NEMP2: variants seen among roughly 807,000 people sequenced by gnomAD.
NEMP2 encodes nuclear envelope integral membrane protein 2.
A neutral mutation model predicts 54.2 loss-of-function variants in NEMP2; 53 were observed. The observed-to-expected ratio is 0.98, with a 90% CI of 0.78 to 1.23. The LOEUF (loss-of-function observed/expected upper bound fraction) is 1.23. NEMP2 is among the 50% of genes most tolerant of loss of function. The pLI, the probability that NEMP2 is intolerant of heterozygous loss-of-function variation, is 0.00. For synonymous variants in NEMP2, 197 were observed against 190.3 expected (o/e 1.04, Z -0.29); for missense variants, 455 against 511.3 (o/e 0.89, Z 1.06).
the NEMP2 span, among the ~76,000 whole-genome samples, chr2:190,592,190 A>G: frequency 6.6e-6 from 1 of 152,194 alleles, no homozygotes; most frequent in Non-Finnish European, 1.5e-5. The surrounding 1 kb of genome is among the most constrained non-coding windows in gnomAD (Gnocchi z 4.4). Flanking sequence ...TCTGCCATTA[A>G]CAATGACCTG....
chr2:190,572,460 T>C, the NEMP2 span, among the ~76,000 whole-genome samples: 1 of 152,056 alleles, frequency 6.6e-6, no homozygotes, highest in African/African-American at 2.4e-5. Context: ...AAGAAATTAG[T>C]CATGTGGCAA....
the NEMP2 span, among the ~76,000 whole-genome samples, chr2:190,493,772 T>C: frequency 6.6e-6 from 1 of 152,172 alleles, no homozygotes; most frequent in East Asian, 1.9e-4. Flanking sequence ...GAATTATCAT[T>C]GGGTCAACAG....
the NEMP2 span, among the ~76,000 whole-genome samples, chr2:190,570,664 A>G: frequency 1.3e-5 from 2 of 152,228 alleles, no homozygotes; most frequent in Admixed American, 1.3e-4. This position sits in a 1 kb window ranked among gnomAD's most constrained non-coding sequence, Gnocchi z 5.4. Flanking sequence ...CCCAGAAATC[A>G]CCATTCTATT....
Position 190,510,018 on chromosome 2 carries a change from G to A in NEMP2, c.1130+343C>T, listed in dbSNP as rs1690301381. 6.6e-6 allele frequency among the ~76,000 whole-genome samples: 1 copy of A among 152,222 alleles called. No individual in the cohort carries two copies. The highest frequency in any genetic ancestry group is 2.4e-5 in the African/African-American group (1 of 41,458). ...ATTGCACCATTGCACTCCAGCCTGGGTGACAGAGCAAGACTCCATCTAAAA... is the reference window on the plus strand; with the variant it reads ...ATTGCACCATTGCACTCCAGCCTGGATGACAGAGCAAGACTCCATCTAAAA... On this transcript the variant is annotated intron_variant, in intron 8 of 8. Transcript: ENST00000409150. This position sits in a 1 kb window ranked among gnomAD's most constrained non-coding sequence, Gnocchi z 5.7.
chr2:190,463,492 AT>A, the NEMP2 span, among the ~76,000 whole-genome samples: 8 of 152,198 alleles, frequency 5.3e-5, no homozygotes, highest in East Asian at 1.9e-4. This position sits in a 1 kb window ranked among gnomAD's most constrained non-coding sequence, Gnocchi z 4.4. Flanking sequence ...TGAAAAAAAA[AT>A]TTTTTTTAGG....
the NEMP2 span, among the ~76,000 whole-genome samples, chr2:190,551,214 A>T: frequency 1.3e-5 from 2 of 151,156 alleles, no homozygotes; most frequent in Admixed American, 6.6e-5. Flanking sequence ...TTTAGGGAAA[A>T]TTTTCTCCAA....
At chr2:190,555,294 G>A in the NEMP2 span, among the ~76,000 whole-genome samples, 3 of 152,078 alleles carry the variant, frequency 2.0e-5, no homozygotes, top group Non-Finnish European at 4.4e-5. The surrounding 1 kb of genome is among the most constrained non-coding windows in gnomAD (Gnocchi z 4.8). Context: ...TTGCCAGCAA[G>A]AGAACAAAAC....
At chr2:190,585,880 G>A in the NEMP2 span, among the ~76,000 whole-genome samples, 2 of 152,102 alleles carry the variant, frequency 1.3e-5, no homozygotes, top group Non-Finnish European at 2.9e-5. This position sits in a 1 kb window ranked among gnomAD's most constrained non-coding sequence, Gnocchi z 5.3. Context: ...AGGGGCCAGA[G>A]GAACCAGTCA....
the NEMP2 span, among the ~76,000 whole-genome samples, chr2:190,544,753 T>C: frequency 6.6e-6 from 1 of 151,950 alleles, no homozygotes; most frequent in South Asian, 2.1e-4. Context: ...ACATTTAAGG[T>C]AACTAAGATA....
the NEMP2 span, chr2:190,442,987 C>T: frequency 6.6e-6 from 1 of 152,148 alleles, no homozygotes; most frequent in Non-Finnish European, 1.5e-5. Flanking sequence ...AAATGTTGGT[C>T]TGTGCTTTAT....
the NEMP2 span, among the ~76,000 whole-genome samples, chr2:190,555,172 A>G: frequency 2.0e-5 from 3 of 152,174 alleles, no homozygotes; most frequent in Non-Finnish European, 4.4e-5. The surrounding 1 kb of genome is among the most constrained non-coding windows in gnomAD (Gnocchi z 4.8). Flanking sequence ...AAGGTCCCCA[A>G]ATTCAAAGAC....
chr2:190,439,361 G>T, the NEMP2 span, among the ~76,000 whole-genome samples: 1 of 151,730 alleles, frequency 6.6e-6, no homozygotes, highest in Non-Finnish European at 1.5e-5. The surrounding 1 kb of genome is among the most constrained non-coding windows in gnomAD (Gnocchi z 5.8). Flanking sequence ...TTTTTTTCAC[G>T]TTTTATTTGT....
chr2:190,559,770 G>T, the NEMP2 span, among the ~76,000 whole-genome samples: 1 of 152,206 alleles, frequency 6.6e-6, no homozygotes, highest in African/African-American at 2.4e-5. This position sits in a 1 kb window ranked among gnomAD's most constrained non-coding sequence, Gnocchi z 4.0. Flanking sequence ...TATGTCCTGG[G>T]AGGTGAGTGG....
chr2:190,556,021 C>CA, the NEMP2 span, among the ~76,000 whole-genome samples: 2 of 152,024 alleles, frequency 1.3e-5, no homozygotes, highest in African/African-American at 4.8e-5. Context: ...AGAGACACAA[C>CA]AAAAAAAGAA....
chr2:190,526,171 T>C (rs1690928798), intron 1 of NEMP2, among the ~76,000 whole-genome samples: 5 of 152,052 alleles, frequency 3.3e-5, no homozygotes, highest in South Asian at 2.1e-4. Flanking sequence ...ACTGGAGTCA[T>C]TGGAACTGGG....
the NEMP2 span, chr2:190,435,923 G>A: frequency 7.2e-7 from 1 of 1,390,604 alleles, no homozygotes; most frequent in African/African-American, 1.4e-5. Flanking sequence ...GAAGTTCTGT[G>A]TTTACATGTT....
the NEMP2 span, chr2:190,553,205 T>G: frequency 6.6e-6 from 1 of 151,826 alleles, no homozygotes; most frequent in Non-Finnish European, 1.5e-5. Context: ...CTCAAAATAG[T>G]CCTCTTAGGG....
chr2:190,524,890 C>A (rs1362384559), intron 2 of NEMP2, among the ~76,000 whole-genome samples: 1 of 152,202 alleles, frequency 6.6e-6, no homozygotes, highest in Admixed American at 6.5e-5. Flanking sequence ...CAACTGCTAT[C>A]TTGGCCATAT....
At chr2:190,443,136 G>A in the NEMP2 span, 1 of 152,146 alleles carries the variant, frequency 6.6e-6, no homozygotes, top group East Asian at 1.9e-4. The surrounding 1 kb of genome is among the most constrained non-coding windows in gnomAD (Gnocchi z 4.2). Flanking sequence ...CATCACCTGA[G>A]CCAGGAACCC....
Sources: gnomAD v4.1 joint callset for allele counts (sites outside exome capture counted in the v4.1 genomes callset) on GRCh38, gnomAD v4.1.1 for gene constraint, Gnocchi (gnomAD v3.1) non-coding constraint, MANE v1.5 for transcripts, NCBI Gene and HGNC (gene_info 2026-07-23, HGNC 2026-07-21) for gene names.